Variants in NLGN3 observed in about 807,000 individuals in gnomAD.
NLGN3 encodes the protein neuroligin 3, also known as neuroligin-3.
Under a neutral mutation model 42.9 loss-of-function variants are expected in NLGN3, and 11 were observed. That is an observed-to-expected ratio of 0.26 (90% CI 0.16 to 0.42). The LOEUF (loss-of-function observed/expected upper bound fraction) is 0.42, where lower values mean the gene tolerates loss of function less well. Ranked by LOEUF, NLGN3 falls within the 10% of genes least tolerant of loss-of-function variation. The probability of loss-of-function intolerance (pLI) is 1.00; values close to 1 mark genes in which losing one functional copy is unlikely to be tolerated. For missense variants in NLGN3, 374 were observed against 733.8 expected (o/e 0.51, Z 5.67); for synonymous variants, 279 against 312.7 (o/e 0.89, Z 1.14).
At chrX:71,157,330 T>C (rs956532252) in intron 5 of NLGN3, among the ~76,000 whole-genome samples, 5 of 103,528 alleles carry the variant, frequency 4.8e-5, no homozygotes, top group Non-Finnish European at 9.8e-5. Context: ...TTATTATTTT[T>C]ATTTTGTTTT....
At position 71,171,004 on chromosome X, in the gene NLGN3, C is replaced by T. The variant is rs940717203; in HGVS notation, c.*907C>T. 8 of 753,686 alleles carry T rather than the reference C, an allele frequency of 1.1e-5. No homozygotes were observed. The highest frequency in any genetic ancestry group is 2.3e-5 in the African/African-American group (1 of 43,570). 62.1% of individuals were successfully genotyped at this position (753,686 alleles called of 1,213,427 possible). ...CCTTGGGGAAATGCTATCAGAAATT[C>T]GCCCCATTTTCTTTACAGTCTTTTG... On this transcript the variant is annotated 3_prime_UTR_variant, in exon 8 of 8. Coordinates refer to ENST00000358741, the MANE Select transcript of NLGN3 (RefSeq NM_181303.2).
chrX:71,148,265 G>T, intron 2 of NLGN3, 59 bp downstream of exon 2: 1 of 967,370 alleles, frequency 1.0e-6, no homozygotes, highest in Admixed American at 2.2e-5. Context: ...TGCTGTGTTT[G>T]TGGCTTGCAT....
At chrX:71,145,281 C>T (rs1294099450) in intron 1 of NLGN3, among the ~76,000 whole-genome samples, 5 of 99,661 alleles carry the variant, frequency 5.0e-5, no homozygotes, top group African/African-American at 7.4e-5. Context: ...GCCAGTCCCC[C>T]CTCCCCTGCA....
Position 71,148,115 on chromosome X carries a change from G to A in NLGN3, c.366G>A (p.Trp122Ter). ...TAVPEVMLPV[W>*]FTANLDIVAT... ...TGCCCGAAGTCATGCTGCCGGTCTG[G>A]TTCACTGCCAACTTGGATATCGTCG... is the stretch of plus-strand genomic sequence containing the variant. The change falls in exon 2 of 8, where the codon TGG becomes TGA. Residue 122 changes from tryptophan to a stop codon, truncating the protein, a stop_gained. Coordinates refer to ENST00000358741, the MANE Select transcript of NLGN3 (RefSeq NM_181303.2). LOFTEE classifies it high-confidence loss of function. 1 of 1,211,032 alleles carries A rather than the reference G, an allele frequency of 8.3e-7. No individual in the cohort carries two copies. The highest frequency in any genetic ancestry group is 3.0e-5 in the East Asian group (1 of 33,821).
intron 3 of NLGN3, among the ~76,000 whole-genome samples, chrX:71,151,191 C>T (rs370438997): frequency 2.1e-4 from 23 of 110,578 alleles, no homozygotes; most frequent in African/African-American, 7.3e-4. Context: ...CACCTGTAGT[C>T]CCAGCTACTT....
chrX:71,163,662 C>G (rs763270228), intron 5 of NLGN3, among the ~76,000 whole-genome samples: 23 of 112,065 alleles, frequency 2.1e-4, no homozygotes, highest in Non-Finnish European at 3.8e-4. Context: ...GTATTTTTAT[C>G]CCCATTTTAC....
chrX:71,148,779 G>C, intron 2 of NLGN3, 67 bp from the exon 3 acceptor site: 2 of 1,002,765 alleles, frequency 2.0e-6, no homozygotes, highest in Non-Finnish European at 2.7e-6. Context: ...GGGGCCTGGG[G>C]GGTGGGGGGT....
At chrX:71,151,867 A>C (rs899630167) in intron 3 of NLGN3, among the ~76,000 whole-genome samples, 1 of 111,766 alleles carries the variant, frequency 8.9e-6, no homozygotes, top group Non-Finnish European at 1.9e-5. Context: ...GGCTGTCCGC[A>C]GTGTGAGGGA....
At chrX:71,146,153 T>TCACACACACACACACACACACA (rs752225810) in intron 1 of NLGN3, among the ~76,000 whole-genome samples, 1 of 26,345 alleles carries the variant, frequency 3.8e-5, no homozygotes, top group African/African-American at 1.6e-4. Context: ...TCTCTCTCTC[T>TCACACACACACACACACACACA]CACACACACA....
chrX:71,156,826 T>C (rs1234495785), intron 5 of NLGN3, among the ~76,000 whole-genome samples: 1 of 111,678 alleles, frequency 9.0e-6, no homozygotes, highest in African/African-American at 3.3e-5. Context: ...CCTCCTCATA[T>C]GCACCCATAC....
chrX:71,168,884 G>GAGAAAGAA (rs559388531), intron 7 of NLGN3, among the ~76,000 whole-genome samples: 23 of 71,596 alleles, frequency 3.2e-4, no homozygotes, highest in Non-Finnish European at 5.1e-4. Flanking sequence ...AGAAAAGAAA[G>GAGAAAGAA]AGAAAGAAAG....
At chrX:71,162,890 A>G (rs1432051544) in intron 5 of NLGN3, among the ~76,000 whole-genome samples, 1 of 111,935 alleles carries the variant, frequency 8.9e-6, no homozygotes, top group Non-Finnish European at 1.9e-5. Flanking sequence ...ACTGGGGAGT[A>G]AAAAATACTG....
rs777601149 is a variant in NLGN3, at chrX:71,147,775, C to T, written c.26C>T (p.Ser9Leu). The change falls in exon 2 of 8, where the codon TCG (serine) becomes TTG (leucine). Residue 9 changes from serine to leucine, a missense_variant. Ser to Leu is a moderately radical substitution (Grantham distance 145). This residue lies in a region of NLGN3 where 109 missense variants were observed against 173.3 expected (regional missense o/e 0.63). Transcript: ENST00000358741. MWLRLGPP[S>L]LSLSPKPTVG... ...ATGTGGCTGCGGCTTGGCCCGCCCT[C>T]GCTGTCCCTGAGCCCCAAGCCCACG... 7.5e-6 allele frequency: 9 copies of T among 1,207,227 alleles called. No homozygotes were observed. Among genetic ancestry groups the T allele is most frequent in the African/African-American group, 5.2e-5 (3 of 57,221 alleles).
At chrX:71,164,042 C>T in intron 5 of NLGN3, 101 bp from the exon 6 acceptor site, 3 of 742,716 alleles carry the variant, frequency 4.0e-6, no homozygotes, top group Non-Finnish European at 6.2e-6. Flanking sequence ...ACTGCGTGCT[C>T]ATTCTCTATT....
downstream of NLGN3, among the ~76,000 whole-genome samples, chrX:71,173,948 G>A (rs1377592385): frequency 1.8e-5 from 2 of 111,798 alleles, no homozygotes; most frequent in African/African-American, 6.5e-5. Flanking sequence ...CCAAATCATG[G>A]AGATGAGAAG....
chrX:71,170,691 A>G lies in NLGN3; in HGVS notation c.*594A>G, dbSNP rs1420349184. The G allele has an allele frequency of 6.5e-6, 5 of 765,011 alleles. No individual in the cohort carries two copies. The highest frequency in any genetic ancestry group is 4.6e-5 in the African/African-American group (2 of 43,555). 63.0% of individuals were successfully genotyped at this position (765,011 alleles called of 1,213,427 possible). On this transcript the variant is annotated 3_prime_UTR_variant, in exon 8 of 8. Coordinates refer to ENST00000358741, the MANE Select transcript of NLGN3 (RefSeq NM_181303.2). ...CTCTAGGACCCCCAGTGCTCACACA[A>G]TCAGACCAAGGAACAAGACCCCCAG...
chrX:71,171,118 G>A lies in NLGN3; in HGVS notation c.*1021G>A, dbSNP rs1333074595. On this transcript the variant is annotated 3_prime_UTR_variant, in exon 8 of 8. Transcript: ENST00000358741. ...AAAGAAAAGTTCTTAAAACACTAAC[G>A]GAAACCCATGGAGTTTGTCCTTTGT... The A allele has an allele frequency of 5.4e-6, 4 of 747,145 alleles. No homozygotes were observed. The highest frequency in any genetic ancestry group is 4.7e-6 in the Non-Finnish European group (3 of 636,289). The allele number at this position is 747,145 out of a possible 1,213,427, so 61.6% of individuals were successfully genotyped here.
In NLGN3 at chrX:71,147,600, G is replaced by T; in HGVS notation, c.-150G>T. The T allele has an allele frequency of 5.9e-6, 3 of 511,827 alleles. No homozygotes were observed. The South Asian group carries it at 7.9e-5, about 13-fold the overall frequency. The allele number at this position is 511,827 out of a possible 1,213,427, so 42.2% of individuals were successfully genotyped here. A position where few individuals can be genotyped will look rare whatever the true frequency, so the allele number is the denominator to read the frequency against. On this transcript the variant is annotated 5_prime_UTR_variant, in exon 2 of 8. Transcript: ENST00000358741. ...CTTTCTGAAGCTGTGGTGCTTGGAC[G>T]ACCTGCTCTCTACATTGCTGGGCAC...
At chrX:71,148,942 G>C in intron 3 of NLGN3, 37 bp downstream of exon 3, 1 of 907,932 alleles carries the variant, frequency 1.1e-6, no homozygotes, top group Non-Finnish European at 1.5e-6. Flanking sequence ...GAGAGAGAGA[G>C]AGGGAGGGCT....
Sources: gnomAD v4.1 joint callset for allele counts (sites outside exome capture counted in the v4.1 genomes callset) on GRCh38, gnomAD v4.1.1 for gene constraint, gnomAD v4.1.1 regional missense constraint, MANE v1.5 for transcripts, NCBI Gene and HGNC (gene_info 2026-07-23, HGNC 2026-07-21) for gene names.